CLMN: variants seen among roughly 807,000 people sequenced by gnomAD.
The protein encoded by CLMN is calmin (calponin-like, transmembrane).
In CLMN, 57 loss-of-function variants were observed where a neutral mutation model predicts 92.7. The observed-to-expected ratio is 0.61, with a 90% CI of 0.50 to 0.77. The LOEUF is 0.77. Ranked by LOEUF, CLMN falls within the 30% of genes least tolerant of loss-of-function variation. The pLI is 0.00. For missense variants in CLMN, 1,158 were observed against 1,237.5 expected (o/e 0.94, Z 0.96); for synonymous variants, 466 against 470.6 (o/e 0.99, Z 0.13).
chr14:95,221,037 C>T (rs533756823), intron 4 of CLMN, among the ~76,000 whole-genome samples: 1 of 152,248 alleles, frequency 6.6e-6, no homozygotes, highest in South Asian at 2.1e-4. Context: ...TATGAAGAAC[C>T]CCAGATGAAT....
intron 1 of CLMN, among the ~76,000 whole-genome samples, chr14:95,293,689 C>T (rs1224067186): frequency 6.7e-6 from 1 of 149,810 alleles, no homozygotes; most frequent in Non-Finnish European, 1.5e-5. Context: ...CACCCACCCC[C>T]GCCCCGCAGC....
chr14:95,191,976 G>A lies in CLMN; in HGVS notation c.2841-244C>T. On this transcript the variant is annotated intron_variant, in intron 12 of 12. Transcript: ENST00000298912. This position sits in a 1 kb window ranked among gnomAD's most constrained non-coding sequence, Gnocchi z 5.3. Reference sequence around the variant, plus strand: ...TCATCTCCATAACATCAGGTGAGAGGAGGTGGCAGCCCCATTCTGCAGATG... The same window carrying A: ...TCATCTCCATAACATCAGGTGAGAGAAGGTGGCAGCCCCATTCTGCAGATG... 1 of 383,496 alleles carries A rather than the reference G, an allele frequency of 2.6e-6. No individual in the cohort carries two copies. Among genetic ancestry groups the A allele is most frequent in the Non-Finnish European group, 4.7e-6 (1 of 214,064 alleles). 23.8% of individuals were successfully genotyped at this position (383,496 alleles called of 1,614,324 possible). A position where few individuals can be genotyped will look rare whatever the true frequency, so the allele number is the denominator to read the frequency against.
intron 6 of CLMN, among the ~76,000 whole-genome samples, chr14:95,211,256 C>G (rs1235662567): frequency 6.6e-6 from 1 of 152,188 alleles, no homozygotes; most frequent in African/African-American, 2.4e-5. Context: ...CAGCTGTCCC[C>G]TCTATGCTTC....
At chr14:95,213,882 C>T (rs141651772) in intron 5 of CLMN, among the ~76,000 whole-genome samples, 1 of 152,266 alleles carries the variant, frequency 6.6e-6, no homozygotes, top group East Asian at 1.9e-4. Context: ...TACCCCAGAG[C>T]TACTGGAATC....
intron 1 of CLMN, among the ~76,000 whole-genome samples, chr14:95,254,557 G>A (rs1432674489): frequency 1.3e-5 from 2 of 152,128 alleles, no homozygotes; most frequent in East Asian, 1.9e-4. Context: ...GGCTCCCTGC[G>A]TGCGTTATGA....
At position 95,288,065 on chromosome 14, in the gene CLMN, C is replaced by T. The variant is rs562946465; in HGVS notation, c.82+31646G>A. ...GAATCATAACAGTCAAGTAACCTGT[C>T]TAAGATCTCACAACCACAGCATAGT... On this transcript the variant is annotated intron_variant, in intron 1 of 12. Transcript: ENST00000298912. 2.2e-4 allele frequency among the ~76,000 whole-genome samples: 33 copies of T among 152,322 alleles called. 1 individual carries two copies. The South Asian group carries it at 6.8e-3, about 32-fold the overall frequency.
At chr14:95,246,396 C>T (rs1269752434) in intron 1 of CLMN, among the ~76,000 whole-genome samples, 1 of 152,210 alleles carries the variant, frequency 6.6e-6, no homozygotes, top group African/African-American at 2.4e-5. Context: ...TCTCCTTTTG[C>T]CACTTAATGG....
chr14:95,225,670 C>T (rs1897688180), intron 2 of CLMN, among the ~76,000 whole-genome samples: 1 of 152,226 alleles, frequency 6.6e-6, no homozygotes, highest in South Asian at 2.1e-4. Context: ...CACTCACTCA[C>T]TTTCTGGGTT....
At chr14:95,290,718 T>C (rs1900531178) in intron 1 of CLMN, among the ~76,000 whole-genome samples, 1 of 152,232 alleles carries the variant, frequency 6.6e-6, no homozygotes, top group African/African-American at 2.4e-5. Flanking sequence ...TCTGCATTGC[T>C]TGTAAGTGCT....
intron 1 of CLMN, among the ~76,000 whole-genome samples, chr14:95,297,842 C>T (rs1900875079): frequency 7.6e-6 from 1 of 130,820 alleles, no homozygotes; most frequent in Non-Finnish European, 1.7e-5. Flanking sequence ...CACACACACA[C>T]ACACACACAG....
chr14:95,289,486 TAAATAAATAAATAAATAAATAAACAAAC>T (rs1170263644), intron 1 of CLMN, among the ~76,000 whole-genome samples: 119 of 104,522 alleles, frequency 1.1e-3, no homozygotes, highest in Admixed American at 5.5e-3. Flanking sequence ...AATAAATAAA[TAAATAAATAAATAAATAAATAAACAAAC>T]AAACAAACAA....
intron 3 of CLMN, among the ~76,000 whole-genome samples, chr14:95,223,057 G>T (rs1161737407): frequency 1.3e-5 from 2 of 152,236 alleles, no homozygotes; most frequent in African/African-American, 4.8e-5. Flanking sequence ...ATTCTGGGCT[G>T]GATCAGTTTG....
chr14:95,297,810 G>A (rs1900869492), intron 1 of CLMN, among the ~76,000 whole-genome samples: 1 of 83,398 alleles, frequency 1.2e-5, no homozygotes, highest in Non-Finnish European at 2.4e-5. Flanking sequence ...GAATATGGCA[G>A]GCACACACAC....
intron 10 of CLMN, among the ~76,000 whole-genome samples, chr14:95,195,347 G>A (rs910628719): frequency 2.6e-5 from 4 of 152,240 alleles, no homozygotes; most frequent in Non-Finnish European, 4.4e-5. Flanking sequence ...CAGGGGCAGG[G>A]ACAGGCACGC....
rs570575795 is a variant in CLMN at position 95,244,210 on chromosome 14, C to T, written c.83-14077G>A. Among the ~76,000 whole-genome samples, 128 of 152,260 alleles carry T rather than the reference C, an allele frequency of 8.4e-4. 1 individual carries two copies. The South Asian group carries it at 0.015, about 17-fold the overall frequency. ...TCTCAGGTATTTCTTTACAGTAGTGCGAGAACAGACTAATACAGCTTCTCA... is the reference window on the plus strand; with the variant it reads ...TCTCAGGTATTTCTTTACAGTAGTGTGAGAACAGACTAATACAGCTTCTCA... On this transcript the variant is annotated intron_variant, in intron 1 of 12. Coordinates refer to ENST00000298912, the MANE Select transcript of CLMN (RefSeq NM_024734.4).
intron 4 of CLMN, among the ~76,000 whole-genome samples, chr14:95,218,981 T>A (rs1385710801): frequency 2.0e-5 from 3 of 152,176 alleles, no homozygotes. Flanking sequence ...CAGCTGTTTG[T>A]TTTTGCCTCT....
At chr14:95,260,602 G>C (rs1039199116) in intron 1 of CLMN, 1 of 152,192 alleles carries the variant, frequency 6.6e-6, no homozygotes, top group Non-Finnish European at 1.5e-5. Context: ...ATAACAGAAG[G>C]CTTGTGGGAA....
At chr14:95,275,491 C>G (rs903003379) in intron 1 of CLMN, among the ~76,000 whole-genome samples, 3 of 152,150 alleles carry the variant, frequency 2.0e-5, no homozygotes, top group Non-Finnish European at 2.9e-5. Flanking sequence ...CTGGAAGTTA[C>G]CCCATATGGT....
chr14:95,263,462 C>T (rs1899340900), intron 1 of CLMN, among the ~76,000 whole-genome samples: 1 of 152,114 alleles, frequency 6.6e-6, no homozygotes, highest in African/African-American at 2.4e-5. Context: ...GGGTCTGGCA[C>T]CTACAAGCCT....
Sources: allele counts gnomAD v4.1 joint callset (sites outside exome capture counted in the v4.1 genomes callset), GRCh38; gene constraint gnomAD v4.1.1; non-coding constraint Gnocchi (gnomAD v3.1); transcripts MANE v1.5; gene names NCBI Gene and HGNC (gene_info 2026-07-23, HGNC 2026-07-21).